POC1B: variants seen among roughly 807,000 people sequenced by gnomAD.
POC1B encodes the protein POC1 centriolar protein homolog B.
POC1B carries 44 observed loss-of-function variants against 60.6 expected under a neutral mutation model. That is an observed-to-expected ratio of 0.73 (90% CI 0.57 to 0.93). The LOEUF (loss-of-function observed/expected upper bound fraction) is 0.93, where lower values mean the gene tolerates loss of function less well. Ranked by LOEUF, POC1B falls within the 40% of genes least tolerant of loss-of-function variation. The pLI, the probability that POC1B is intolerant of heterozygous loss-of-function variation, is 0.00. For missense variants in POC1B, 555 were observed against 572.3 expected, an observed-to-expected ratio of 0.97 and a Z score of 0.31; for synonymous variants, 180 against 198.9, an observed-to-expected ratio of 0.90 and a Z score of 0.80.
At chr12:89,489,374 C>T (rs1868824981) in intron 4 of POC1B, among the ~76,000 whole-genome samples, 1 of 152,104 alleles carries the variant, frequency 6.6e-6, no homozygotes, top group Admixed American at 6.5e-5. Context: ...GAATTTTAAC[C>T]TACAAATTTA....
chr12:89,500,524 T>G lies in POC1B; in HGVS notation c.101-3182A>C, dbSNP rs61925108. Reference sequence around the variant, plus strand: ...TGTGAAGTAGAAACATAAATGATCATCACAGTGAAGCTGATGAAGAATTTT... The same window carrying G: ...TGTGAAGTAGAAACATAAATGATCAGCACAGTGAAGCTGATGAAGAATTTT... On this transcript the variant is annotated intron_variant, in intron 2 of 11. Transcript: ENST00000313546. 8.1e-3 allele frequency: 13,055 copies of G among 1,605,444 alleles called. 76 individuals are homozygous for G. Among genetic ancestry groups the G allele is most frequent in the Non-Finnish European group, 1.0e-2 (11,687 of 1,172,178 alleles).
chr12:89,510,986 C>A, intron 2 of POC1B, among the ~76,000 whole-genome samples: 1 of 151,872 alleles, frequency 6.6e-6, no homozygotes, highest in Non-Finnish European at 1.5e-5. Context: ...CACTCCTGGC[C>A]TCAGGTGATC....
chr12:89,473,255 C>T (rs1165751348), intron 4 of POC1B, among the ~76,000 whole-genome samples: 1 of 152,176 alleles, frequency 6.6e-6, no homozygotes, highest in Non-Finnish European at 1.5e-5. Context: ...TTTTTGTTCT[C>T]TCCCTACTCC....
At chr12:89,488,537 G>C (rs564980758) in intron 4 of POC1B, among the ~76,000 whole-genome samples, 13 of 152,080 alleles carry the variant, frequency 8.5e-5, no homozygotes, top group African/African-American at 3.1e-4. Flanking sequence ...GCCCAGGCTG[G>C]AGTGAAGTGG....
intron 2 of POC1B, chr12:89,501,770 G>A (rs1464402871): frequency 1.0e-6 from 1 of 972,190 alleles, no homozygotes; most frequent in Non-Finnish European, 1.7e-6. Flanking sequence ...CATCACAACA[G>A]TAGGCAAAAA....
downstream of POC1B, among the ~76,000 whole-genome samples, chr12:89,418,317 G>A (rs1033772482): frequency 2.0e-5 from 3 of 152,186 alleles, no homozygotes; most frequent in Non-Finnish European, 4.4e-5. Flanking sequence ...GGTGGTGAGT[G>A]AGGATTATTC....
intron 1 of POC1B, 90 bp from the exon 2 acceptor site, chr12:89,525,294 G>A: frequency 6.7e-7 from 1 of 1,493,348 alleles, no homozygotes; most frequent in Admixed American, 2.3e-5. Flanking sequence ...CCGGAGTCCG[G>A]CTTGGGAATG....
At chr12:89,524,446 G>A in intron 2 of POC1B, 1 of 1,613,908 alleles carries the variant, frequency 6.2e-7, no homozygotes, top group Non-Finnish European at 8.5e-7. Flanking sequence ...GGCTCCTGCG[G>A]AGGCATGAAA....
intron 2 of POC1B, chr12:89,499,967 G>C (rs1299415733): frequency 1.5e-6 from 1 of 668,596 alleles, no homozygotes; most frequent in African/African-American, 1.8e-5. Context: ...CATCGCCTTC[G>C]ACTTAAGGGT....
At chr12:89,416,862 GCT>G (rs1880374293), downstream of POC1B, among the ~76,000 whole-genome samples, 1 of 152,212 alleles carries the variant, frequency 6.6e-6, no homozygotes, top group African/African-American at 2.4e-5. Context: ...CAAGTGGCTT[GCT>G]CTGTCTCTGG....
chr12:89,489,684 T>C (rs1802363912), intron 4 of POC1B, among the ~76,000 whole-genome samples: 1 of 152,144 alleles, frequency 6.6e-6, no homozygotes, highest in African/African-American at 2.4e-5. Context: ...TGGGGACACC[T>C]GGCATGTTAT....
At chr12:89,509,029 C>A (rs1209173124) in intron 2 of POC1B, among the ~76,000 whole-genome samples, 1 of 152,166 alleles carries the variant, frequency 6.6e-6, no homozygotes, top group Non-Finnish European at 1.5e-5. Flanking sequence ...TCTTCCTCAC[C>A]AAACTGTCAC....
chr12:89,408,612 A>C, the POC1B span, among the ~76,000 whole-genome samples: 2 of 151,966 alleles, frequency 1.3e-5, no homozygotes, highest in East Asian at 3.9e-4. Flanking sequence ...CAGCCTCCCA[A>C]GTAGCTGGGG....
chr12:89,438,081 A>G (rs1282992886), intron 10 of POC1B, among the ~76,000 whole-genome samples: 2 of 151,452 alleles, frequency 1.3e-5, no homozygotes, highest in African/African-American at 2.4e-5. Flanking sequence ...AAAATCTATT[A>G]TAGCTTACTC....
intron 3 of POC1B, among the ~76,000 whole-genome samples, chr12:89,495,030 T>C (rs188760597): frequency 1.3e-5 from 2 of 152,344 alleles, no homozygotes; most frequent in East Asian, 3.9e-4. Context: ...CATACAGCAA[T>C]AGATAACTGA....
intron 2 of POC1B, 112 bp from the exon 3 acceptor site, chr12:89,497,454 T>G: frequency 8.7e-7 from 1 of 1,150,342 alleles, no homozygotes; most frequent in Non-Finnish European, 1.2e-6. Flanking sequence ...ATAGAGCGGC[T>G]GGAGGTTGTA....
At chr12:89,523,503 AC>A in intron 2 of POC1B, 1 of 1,611,802 alleles carries the variant, frequency 6.2e-7, no homozygotes, top group Non-Finnish European at 8.5e-7. Flanking sequence ...CCAATTTGCC[AC>A]CACACTGCCA....
the POC1B span, among the ~76,000 whole-genome samples, chr12:89,403,483 T>A: frequency 6.6e-6 from 1 of 152,172 alleles, no homozygotes; most frequent in East Asian, 1.9e-4. Flanking sequence ...CCTTAAAGCC[T>A]ACCTCTGGTT....
intron 10 of POC1B, among the ~76,000 whole-genome samples, chr12:89,443,460 C>T (rs372994370): frequency 5.9e-5 from 9 of 151,736 alleles, no homozygotes; most frequent in South Asian, 4.2e-4. Flanking sequence ...CACTCAAAAC[C>T]GCTCAACTAC....
Sources: gnomAD v4.1 joint callset for allele counts (sites outside exome capture counted in the v4.1 genomes callset) on GRCh38, gnomAD v4.1.1 for gene constraint, MANE v1.5 for transcripts, NCBI Gene and HGNC (gene_info 2026-07-23, HGNC 2026-07-21) for gene names.